MTCL1: variants seen among roughly 807,000 people sequenced by gnomAD.
MTCL1 encodes microtubule crosslinking factor 1.
In MTCL1, 79 loss-of-function variants were observed where a neutral mutation model predicts 141.4. That is an observed-to-expected ratio of 0.56 (90% confidence interval 0.47 to 0.67). The LOEUF (loss-of-function observed/expected upper bound fraction) is 0.67. Ranked by LOEUF, MTCL1 falls within the 30% of genes least tolerant of loss-of-function variation. The pLI, the probability that MTCL1 is intolerant of heterozygous loss-of-function variation, is 0.00. For synonymous variants in MTCL1, 914 were observed against 875.8 expected (o/e 1.04, Z -0.77); for missense variants, 2,177 against 2,113.9 (o/e 1.03, Z -0.59).
In MTCL1 at chr18:8,708,297, A is replaced by G. The variant is rs563325630; in HGVS notation, c.1053+1584A>G. Among the ~76,000 whole-genome samples, 24 of 152,294 alleles carry G rather than the reference A, an allele frequency of 1.6e-4. No individual in the cohort carries two copies. In the East Asian group the frequency reaches 4.4e-3, roughly 28 times the overall value. On this transcript the variant is annotated intron_variant, in intron 1 of 13. Coordinates refer to the MTCL1 transcript ENST00000306329. ...AAAGAAGTTTCTCATTGCATCTTTG[A>G]TCTTAAGGTAGGCTATCCATCATTT...
intron 10 of MTCL1, among the ~76,000 whole-genome samples, chr18:8,804,313 TG>T (rs1357807376): frequency 6.6e-6 from 1 of 150,742 alleles, no homozygotes; most frequent in Non-Finnish European, 1.5e-5. Flanking sequence ...TGGAGGGCAG[TG>T]GTGTGATCTT....
intron 4 of MTCL1, among the ~76,000 whole-genome samples, chr18:8,756,203 G>A (rs1452685264): frequency 3.3e-5 from 5 of 152,106 alleles, no homozygotes; most frequent in Non-Finnish European, 5.9e-5. Context: ...TGTAGGTCAG[G>A]GCCTTTCTGG....
chr18:8,734,270 G>A (rs2096265365), intron 4 of MTCL1, among the ~76,000 whole-genome samples: 1 of 151,958 alleles, frequency 6.6e-6, no homozygotes, highest in Admixed American at 6.6e-5. Flanking sequence ...TTGAAGCTTT[G>A]GAGGGAAGAG....
intron 1 of MTCL1, among the ~76,000 whole-genome samples, chr18:8,709,228 C>T (rs759884405): frequency 7.9e-5 from 12 of 151,866 alleles, no homozygotes; most frequent in East Asian, 3.9e-4. Context: ...GGTCTTGCTC[C>T]GTGGCCCAGG....
At chr18:8,742,460 G>A (rs1328113758) in intron 4 of MTCL1, among the ~76,000 whole-genome samples, 1 of 152,232 alleles carries the variant, frequency 6.6e-6, no homozygotes, top group East Asian at 1.9e-4. Flanking sequence ...GGGGAGGCAA[G>A]TCCTTCTTCA....
At position 8,831,950 on chromosome 18, in the gene MTCL1, A is replaced by G. The variant is rs536856615; in HGVS notation, c.*362A>G. 4.7e-4 allele frequency: 429 copies of G among 905,850 alleles called. 10 individuals carry two copies. In the South Asian group the frequency reaches 7.1e-3, roughly 15 times the overall value. The allele number at this position is 905,850 out of a possible 1,614,324, so 56.1% of individuals were successfully genotyped here. A position where few individuals can be genotyped will look rare whatever the true frequency, so the allele number is the denominator to read the frequency against. ...AAAACACAAAGCTGCTGAATGTTCAACCTGTGAAACTGAGATGTTTCTAGA... is the reference window on the plus strand; with the variant it reads ...AAAACACAAAGCTGCTGAATGTTCAGCCTGTGAAACTGAGATGTTTCTAGA... On this transcript the variant is annotated 3_prime_UTR_variant, in exon 17 of 17. Coordinates refer to ENST00000359865, the Ensembl canonical transcript of MTCL1.
At chr18:8,826,215 G>A (rs199835005) in exon 15 of MTCL1, 70 of 1,602,034 alleles carry the variant, frequency 4.4e-5, no homozygotes, top group South Asian at 3.3e-4. Context: ...GGACACAGCC[G>A]AGCCAGGGCC....
Position 8,810,407 on chromosome 18 carries a change from G to T in MTCL1, c.2605-2572G>T, listed in dbSNP as rs1275340530. On this transcript the variant is annotated intron_variant, in intron 11 of 16. Coordinates refer to ENST00000359865, the Ensembl canonical transcript of MTCL1. This position sits in a 1 kb window ranked among gnomAD's most constrained non-coding sequence, Gnocchi z 5.0. Reference sequence around the variant, plus strand: ...TTGGGCTCTAAGCATTGAGGGGAGGGGTGACCCTGACCATGAGAGACCTGA... The same window carrying T: ...TTGGGCTCTAAGCATTGAGGGGAGGTGTGACCCTGACCATGAGAGACCTGA... Among the ~76,000 whole-genome samples the T allele has an allele frequency of 6.6e-6, 1 of 151,992 alleles. No individual in the cohort carries two copies. The highest frequency in any genetic ancestry group is 1.5e-5 in the Non-Finnish European group (1 of 67,986).
chr18:8,715,615 A>G (rs936589647), upstream of MTCL1, among the ~76,000 whole-genome samples: 1 of 152,240 alleles, frequency 6.6e-6, no homozygotes, highest in African/African-American at 2.4e-5. Context: ...AGAAACAAGC[A>G]TTGCGGTTAG....
chr18:8,793,030 T>G, exon 8 of MTCL1: 1 of 1,613,954 alleles, frequency 6.2e-7, no homozygotes. Flanking sequence ...CTGAGCAGAG[T>G]GTATCCATAG....
rs149124052 is a variant in MTCL1, at chr18:8,708,889, AG to A, written c.1053+2180del. ...ACCTCCCCACTGTTCCTCCGACAGC[AG>A]GGGAGAGAAGAGGGTTGTGAAGGAG... On this transcript the variant is annotated intron_variant, in intron 1 of 13. Coordinates refer to the MTCL1 transcript ENST00000306329. Among the ~76,000 whole-genome samples, 1,284 of 152,278 alleles carry A rather than the reference AG, an allele frequency of 8.4e-3. 16 individuals carry two copies. Among genetic ancestry groups the A allele is most frequent in the African/African-American group, 0.029 (1,193 of 41,536 alleles).
At chr18:8,734,056 G>T (rs2096264293) in intron 4 of MTCL1, among the ~76,000 whole-genome samples, 1 of 152,078 alleles carries the variant, frequency 6.6e-6, no homozygotes, top group South Asian at 2.1e-4. Flanking sequence ...ACAGGTGAGG[G>T]TTGCTAGAGG....
At chr18:8,818,981 C>G in exon 13 of MTCL1, 2 of 1,613,644 alleles carry the variant, frequency 1.2e-6, no homozygotes, top group Middle Eastern at 1.6e-4. Context: ...AGAGAACAGT[C>G]CCCGGAGAGG....
At chr18:8,727,427 C>T (rs1031611935) in intron 4 of MTCL1, among the ~76,000 whole-genome samples, 6 of 152,106 alleles carry the variant, frequency 3.9e-5, no homozygotes, top group African/African-American at 1.4e-4. Flanking sequence ...ATAAGAGTTC[C>T]TTTTTCTCCA....
intron 4 of MTCL1, among the ~76,000 whole-genome samples, chr18:8,746,317 T>C (rs2096337729): frequency 6.6e-6 from 1 of 152,240 alleles, no homozygotes. Context: ...GCCCCACTGT[T>C]TTCCACATGG....
chr18:8,732,514 T>G (rs2096255612), intron 4 of MTCL1, among the ~76,000 whole-genome samples: 1 of 152,206 alleles, frequency 6.6e-6, no homozygotes, highest in South Asian at 2.1e-4. Context: ...GTGCTGTTTC[T>G]TGGTGTTGCT....
At chr18:8,757,184 T>A (rs1432152194) in intron 4 of MTCL1, among the ~76,000 whole-genome samples, 1 of 151,060 alleles carries the variant, frequency 6.6e-6, no homozygotes. Context: ...CTGAATGCCA[T>A]GGGCAGCTGT....
intron 4 of MTCL1, among the ~76,000 whole-genome samples, chr18:8,739,742 T>TTTG: frequency 0.17 from 1 of 6 alleles, no homozygotes; most frequent in Non-Finnish European, 0.25. Context: ...TGTTCGTTTG[T>TTTG]TTTTTTTTGA....
chr18:8,776,053 C>G (rs2096506732), intron 4 of MTCL1, among the ~76,000 whole-genome samples: 1 of 152,212 alleles, frequency 6.6e-6, no homozygotes, highest in Non-Finnish European at 1.5e-5. Flanking sequence ...ATGTAAGGGA[C>G]TTGCATAGAG....
Sources: gnomAD v4.1 joint callset for allele counts (sites outside exome capture counted in the v4.1 genomes callset) on GRCh38, gnomAD v4.1.1 for gene constraint, Gnocchi (gnomAD v3.1) non-coding constraint, MANE v1.5 for transcripts, NCBI Gene and HGNC (gene_info 2026-07-23, HGNC 2026-07-21) for gene names.